Variants in GALNT5 observed in about 807,000 individuals in gnomAD.
GALNT5 encodes the protein UDP-GalNAc:polypeptide N-acetylgalactosaminyltransferase 5.
Under a neutral mutation model 85.4 loss-of-function variants are expected in GALNT5, and 72 were observed. The observed-to-expected ratio is 0.84, with a 90% CI of 0.70 to 1.03. The LOEUF (loss-of-function observed/expected upper bound fraction) is 1.03. Ranked by LOEUF, GALNT5 falls within the 50% of genes least tolerant of loss-of-function variation. The probability of loss-of-function intolerance (pLI) is 0.00; values close to 1 mark genes in which losing one functional copy is unlikely to be tolerated. For synonymous variants in GALNT5, 404 were observed against 397.0 expected (o/e 1.02, Z -0.21); for missense variants, 1,137 against 1,135.5 (o/e 1.00, Z -0.02).
chr2:157,292,575 G>C (rs1264001819), intron 3 of GALNT5, among the ~76,000 whole-genome samples: 1 of 152,212 alleles, frequency 6.6e-6, no homozygotes. Context: ...CCATCCTGCT[G>C]CCACTGGGGA....
chr2:157,277,049 A>G (rs1682746753), intron 1 of GALNT5, among the ~76,000 whole-genome samples: 1 of 152,078 alleles, frequency 6.6e-6, no homozygotes, highest in Non-Finnish European at 1.5e-5. Flanking sequence ...TTCAAAGAAC[A>G]TCTTTATTTC....
chr2:157,296,821 A>G (rs1439776347), intron 5 of GALNT5, among the ~76,000 whole-genome samples: 1 of 152,248 alleles, frequency 6.6e-6, no homozygotes, highest in Non-Finnish European at 1.5e-5. Context: ...CTATACAAAC[A>G]CATGTAATAT....
At chr2:157,305,894 CAACT>C (rs1683445814) in intron 8 of GALNT5, 65 bp downstream of exon 8, 2 of 855,502 alleles carry the variant, frequency 2.3e-6, no homozygotes, top group Admixed American at 4.5e-5. Context: ...ATTCATTGCT[CAACT>C]GAGAAATTCA....
chr2:157,290,504 G>C (rs1260702889), intron 3 of GALNT5, among the ~76,000 whole-genome samples: 1 of 152,108 alleles, frequency 6.6e-6, no homozygotes, highest in African/African-American at 2.4e-5. Context: ...ACTCCCCTGG[G>C]TGTGCCACAG....
intron 1 of GALNT5, among the ~76,000 whole-genome samples, chr2:157,263,036 C>G (rs1682382868): frequency 6.6e-6 from 1 of 151,430 alleles, no homozygotes; most frequent in Admixed American, 6.6e-5. Flanking sequence ...ACCGTGTTAG[C>G]CAGGATGGTC....
chr2:157,308,397 G>A (rs138028671), intron 8 of GALNT5, among the ~76,000 whole-genome samples, 170 bp from the exon 9 acceptor site: 66 of 152,288 alleles, frequency 4.3e-4, no homozygotes, highest in African/African-American at 1.5e-3. Context: ...ATTAGACAGG[G>A]TAAATAATAT....
At chr2:157,311,084 C>A (rs1299022387) in intron 9 of GALNT5, 124 bp from the exon 10 acceptor site, 2 of 761,016 alleles carry the variant, frequency 2.6e-6, no homozygotes, top group Non-Finnish European at 4.4e-6. Context: ...TAATTTAGTT[C>A]AGAAGAATTC....
At chr2:157,301,434 G>A (rs1429157574) in intron 7 of GALNT5, 1 of 206,700 alleles carries the variant, frequency 4.8e-6, no homozygotes, top group East Asian at 1.2e-4. Flanking sequence ...CTCTGAGAAG[G>A]AGACTTTGTA....
rs189155186 is a variant in GALNT5 at position 157,269,625 on chromosome 2, G to A, written c.1454+10089G>A. Among the ~76,000 whole-genome samples the A allele has an allele frequency of 3.7e-3, 559 of 152,148 alleles. 5 individuals are homozygous for A. Among genetic ancestry groups the A allele is most frequent in the African/African-American group, 0.012 (512 of 41,524 alleles). On this transcript the variant is annotated intron_variant, in intron 1 of 9. Coordinates refer to ENST00000259056, the MANE Select transcript of GALNT5 (RefSeq NM_014568.3). The stretch of plus-strand genomic sequence containing the variant: ...GAAATTAAGGCACCATGACATAATC[G>A]GGGGAATAGAGGATTAGATATTTGG...
chr2:157,304,880 G>C (rs889567133), intron 7 of GALNT5, among the ~76,000 whole-genome samples: 1 of 152,152 alleles, frequency 6.6e-6, no homozygotes, highest in Non-Finnish European at 1.5e-5. Flanking sequence ...CCCTGAGTTA[G>C]AGCTCTTTGT....
At chr2:157,268,062 C>T (rs1175607450) in intron 1 of GALNT5, among the ~76,000 whole-genome samples, 1 of 152,140 alleles carries the variant, frequency 6.6e-6, no homozygotes, top group Non-Finnish European at 1.5e-5. Flanking sequence ...CCCCTGAAGG[C>T]TCACATGAAG....
intron 5 of GALNT5, among the ~76,000 whole-genome samples, chr2:157,297,471 A>G (rs1683239383): frequency 6.6e-6 from 1 of 152,210 alleles, no homozygotes; most frequent in Admixed American, 6.5e-5. Flanking sequence ...TACGCAGCTA[A>G]TCAAAGAAGA....
chr2:157,264,485 C>A (rs1220314230), intron 1 of GALNT5, among the ~76,000 whole-genome samples: 3 of 152,168 alleles, frequency 2.0e-5, no homozygotes, highest in African/African-American at 7.2e-5. Context: ...GCTTTCCCTA[C>A]AAAACTCTGG....
rs567623942 is a variant in GALNT5 at position 157,312,888 on chromosome 2, A to T, written c.*1540A>T. 1.7e-4 allele frequency: 26 copies of T among 152,170 alleles called. No homozygotes were observed. Among genetic ancestry groups the T allele is most frequent in the African/African-American group, 5.3e-4 (22 of 41,542 alleles). 9.4% of individuals were successfully genotyped at this position (152,170 alleles called of 1,614,324 possible). A position where few individuals can be genotyped will look rare whatever the true frequency, so the allele number is the denominator to read the frequency against. On this transcript the variant is annotated 3_prime_UTR_variant, in exon 10 of 10. Coordinates refer to ENST00000259056, the MANE Select transcript of GALNT5 (RefSeq NM_014568.3). Reference sequence around the variant, plus strand: ...GTTAATATGTTTTTTCTTTTTTTAAATTTAAACTTTTGTTCAGTTGAGATG... The same window carrying T: ...GTTAATATGTTTTTTCTTTTTTTAATTTTAAACTTTTGTTCAGTTGAGATG...
intron 1 of GALNT5, among the ~76,000 whole-genome samples, chr2:157,260,103 CAGG>C (rs1682304164): frequency 6.6e-6 from 1 of 152,190 alleles, no homozygotes; most frequent in African/African-American, 2.4e-5. Context: ...GTAGATATTT[CAGG>C]AGATCAGTTA....
chr2:157,305,294 T>A (rs1214531824), intron 7 of GALNT5, among the ~76,000 whole-genome samples: 3 of 152,174 alleles, frequency 2.0e-5, no homozygotes, highest in African/African-American at 7.2e-5. Flanking sequence ...GAATCTGCTG[T>A]TCTTTGAAGG....
chr2:157,300,567 G>A, intron 6 of GALNT5, 109 bp from the exon 7 acceptor site: 2 of 788,626 alleles, frequency 2.5e-6, no homozygotes, highest in South Asian at 3.4e-5. Context: ...TTTTGAAGTT[G>A]AGTATTACTT....
chr2:157,301,651 C>G (rs73968418), intron 7 of GALNT5: 1 of 152,648 alleles, frequency 6.6e-6, no homozygotes, highest in East Asian at 1.9e-4. Flanking sequence ...CACACAGGTC[C>G]TTGTAAGCAA....
At chr2:157,267,761 C>T (rs1682488551) in intron 1 of GALNT5, among the ~76,000 whole-genome samples, 2 of 152,326 alleles carry the variant, frequency 1.3e-5, no homozygotes, top group South Asian at 4.1e-4. Context: ...ATGGCAACCA[C>T]AGCCGCAGCT....
Sources: allele counts gnomAD v4.1 joint callset (sites outside exome capture counted in the v4.1 genomes callset), GRCh38; gene constraint gnomAD v4.1.1; transcripts MANE v1.5; gene names NCBI Gene and HGNC (gene_info 2026-07-23, HGNC 2026-07-21).